PRKN: variants seen among roughly 807,000 people sequenced by gnomAD.
PRKN encodes parkin RBR E3 ubiquitin protein ligase, also known as E3 ubiquitin-protein ligase parkin.
Under a neutral mutation model 59.5 loss-of-function variants are expected in PRKN, and 56 were observed. The observed-to-expected ratio is 0.94, with a 90% CI of 0.76 to 1.18. PRKN has a LOEUF of 1.18. Among genes scored for constraint, PRKN ranks in the 50% most tolerant of loss-of-function variants. The pLI, the probability that PRKN is intolerant of heterozygous loss-of-function variation, is 0.00. For missense variants in PRKN, 657 were observed against 596.4 expected (o/e 1.10, Z -1.06); for synonymous variants, 250 against 222.1 (o/e 1.13, Z -1.12).
At chr6:162,515,601 CTT>C (rs759605497) in intron 1 of PRKN, among the ~76,000 whole-genome samples, 16 of 152,238 alleles carry the variant, frequency 1.1e-4, no homozygotes, top group Middle Eastern at 3.4e-3. Flanking sequence ...TAATTTCTAA[CTT>C]CAATGTTAAG....
At chr6:162,071,355 GT>G (rs1353716030) in intron 4 of PRKN, among the ~76,000 whole-genome samples, 1 of 151,364 alleles carries the variant, frequency 6.6e-6, no homozygotes, top group African/African-American at 2.4e-5. Context: ...TTCCTTTATT[GT>G]TATTCAAAGT....
intron 1 of PRKN, among the ~76,000 whole-genome samples, chr6:162,563,800 C>T (rs1779950039): frequency 6.6e-6 from 1 of 152,040 alleles, no homozygotes; most frequent in Non-Finnish European, 1.5e-5. Flanking sequence ...ATAATCCTAT[C>T]AGATACATTT....
At chr6:161,776,939 A>G (rs1789949852) in intron 7 of PRKN, among the ~76,000 whole-genome samples, 1 of 152,220 alleles carries the variant, frequency 6.6e-6, no homozygotes, top group South Asian at 2.1e-4. Flanking sequence ...AATAAATTAG[A>G]AATGTTCTTT....
intron 7 of PRKN, among the ~76,000 whole-genome samples, chr6:161,754,063 A>G (rs751163823): frequency 2.6e-5 from 4 of 152,102 alleles, no homozygotes; most frequent in Admixed American, 6.5e-5. Flanking sequence ...TTGTGTAATT[A>G]TCTCCAGCTC....
At chr6:161,481,517 T>G (rs534231650) in intron 9 of PRKN, among the ~76,000 whole-genome samples, 55 of 152,070 alleles carry the variant, frequency 3.6e-4, no homozygotes, top group Non-Finnish European at 4.1e-4. Flanking sequence ...GGCAGGAGGA[T>G]TGTTTGAACC....
chr6:161,884,468 A>G (rs1156259021), intron 6 of PRKN, among the ~76,000 whole-genome samples: 2 of 152,212 alleles, frequency 1.3e-5, no homozygotes, highest in African/African-American at 4.8e-5. Flanking sequence ...ACTCTTATGT[A>G]TTTAATATAA....
intron 4 of PRKN, among the ~76,000 whole-genome samples, chr6:162,125,111 G>A (rs1258543626): frequency 2.6e-5 from 4 of 152,162 alleles, no homozygotes; most frequent in Non-Finnish European, 5.9e-5. Flanking sequence ...AATGTGACAC[G>A]TAGTCCTCAG....
At position 162,330,981 on chromosome 6, in the gene PRKN, T is replaced by C. The variant is rs76098174; in HGVS notation, c.172-68216A>G. ...ACAAACACATCAAGAGAAGACACAGTGTTGATGCCCAGATATATCGTTTCA... is the reference window on the plus strand; with the variant it reads ...ACAAACACATCAAGAGAAGACACAGCGTTGATGCCCAGATATATCGTTTCA... On this transcript the variant is annotated intron_variant, in intron 2 of 11. Coordinates refer to ENST00000366898, the MANE Select transcript of PRKN (RefSeq NM_004562.3). 1.8e-3 allele frequency among the ~76,000 whole-genome samples: 271 copies of C among 152,234 alleles called. 7 individuals carry two copies. In the Middle Eastern group the frequency reaches 0.031, roughly 17 times the overall value.
chr6:161,606,148 G>T (rs1782274218), intron 7 of PRKN, among the ~76,000 whole-genome samples: 1 of 152,210 alleles, frequency 6.6e-6, no homozygotes. Flanking sequence ...TAGGGAAAAT[G>T]TCATCAATTC....
intron 1 of PRKN, among the ~76,000 whole-genome samples, chr6:162,530,923 C>T (rs1778485009): frequency 6.6e-6 from 1 of 151,640 alleles, no homozygotes; most frequent in Non-Finnish European, 1.5e-5. Flanking sequence ...AGGGCATGGC[C>T]GCGTGTGCCT....
intron 2 of PRKN, among the ~76,000 whole-genome samples, chr6:162,414,516 G>A (rs1303670104): frequency 2.0e-5 from 3 of 151,426 alleles, no homozygotes; most frequent in Non-Finnish European, 4.4e-5. Flanking sequence ...GACCATCCTG[G>A]CTAACATGGT....
intron 7 of PRKN, among the ~76,000 whole-genome samples, chr6:161,634,983 G>A (rs1303551915): frequency 2.6e-5 from 4 of 152,154 alleles, no homozygotes. Context: ...CCGAGGCCAG[G>A]ACAGTGATGT....
intron 7 of PRKN, among the ~76,000 whole-genome samples, chr6:161,683,626 G>A (rs1785452324): frequency 6.6e-6 from 1 of 152,230 alleles, no homozygotes; most frequent in Non-Finnish European, 1.5e-5. Context: ...AGGAGCACCT[G>A]TGCTGCTTGG....
intron 1 of PRKN, among the ~76,000 whole-genome samples, chr6:162,670,436 A>T (rs756266847): frequency 2.0e-4 from 31 of 152,250 alleles, no homozygotes; most frequent in Non-Finnish European, 4.6e-4. Context: ...CCAAGCAACA[A>T]AAGTAAATAA....
intron 1 of PRKN, among the ~76,000 whole-genome samples, chr6:162,447,339 T>C (rs1369552807): frequency 2.0e-5 from 3 of 152,006 alleles, no homozygotes; most frequent in African/African-American, 4.8e-5. Context: ...GACCAAGAGA[T>C]ATGATAGAGA....
chr6:161,559,735 T>A (rs1017227290), intron 8 of PRKN, among the ~76,000 whole-genome samples: 3 of 152,232 alleles, frequency 2.0e-5, no homozygotes, highest in Non-Finnish European at 4.4e-5. Context: ...TGTCATTGTC[T>A]GGAAGTTTTG....
intron 4 of PRKN, among the ~76,000 whole-genome samples, chr6:162,128,470 A>T (rs1000208455): frequency 6.6e-6 from 1 of 152,130 alleles, no homozygotes; most frequent in African/African-American, 2.4e-5. Context: ...AGTGAGAGAG[A>T]TGGGAAAGAG....
chr6:161,792,806 A>T (rs1790690210), intron 6 of PRKN, among the ~76,000 whole-genome samples: 1 of 152,246 alleles, frequency 6.6e-6, no homozygotes, highest in South Asian at 2.1e-4. Context: ...ATTAGATAAA[A>T]GTAATTAAAA....
chr6:161,923,178 T>C (rs1174204489), intron 6 of PRKN, among the ~76,000 whole-genome samples: 2 of 152,206 alleles, frequency 1.3e-5, no homozygotes, highest in Non-Finnish European at 2.9e-5. Context: ...CCATCACACA[T>C]ATAAAGTAGA....
Sources: gnomAD v4.1 joint callset for allele counts (sites outside exome capture counted in the v4.1 genomes callset) on GRCh38, gnomAD v4.1.1 for gene constraint, MANE v1.5 for transcripts, NCBI Gene and HGNC (gene_info 2026-07-23, HGNC 2026-07-21) for gene names.